Variants in NCAM2 observed in about 807,000 individuals in gnomAD.
NCAM2 encodes the protein neural cell adhesion molecule 2.
NCAM2 carries 30 observed loss-of-function variants against 98.1 expected under a neutral mutation model. The ratio of observed to expected loss-of-function variants is 0.31; its 90% CI spans 0.23 to 0.41. The LOEUF is 0.41. NCAM2 is among the 10% of genes least tolerant of loss of function. The pLI, the probability that NCAM2 is intolerant of heterozygous loss-of-function variation, is 1.00. For missense variants in NCAM2, 867 were observed against 1,005.8 expected, an observed-to-expected ratio of 0.86 and a Z score of 1.87; for synonymous variants, 368 against 342.4, an observed-to-expected ratio of 1.07 and a Z score of -0.83.
At chr21:21,117,193 C>A (rs982341034) in intron 1 of NCAM2, among the ~76,000 whole-genome samples, 3 of 152,112 alleles carry the variant, frequency 2.0e-5, no homozygotes, top group South Asian at 2.1e-4. Flanking sequence ...AAAGTTTATA[C>A]CTTTTGATCA....
chr21:21,292,190 G>A lies in NCAM2; in HGVS notation c.568G>A (p.Val190Met). The A allele has an allele frequency of 6.2e-7, 1 of 1,610,932 alleles. No homozygotes were observed. The highest frequency in any genetic ancestry group is 8.5e-7 in the Non-Finnish European group (1 of 1,178,182). ...DEGIYRCEGR[V>M]EARGEIDFRD... ...AGGTATATACAGATGTGAAGGAAGA[G>A]TGGAGGCCAGGGGAGAAATTGACTT... The change falls in exon 5 of 18, where the codon GTG becomes ATG. Residue 190 changes from valine to methionine, a missense_variant. Around this residue, in one of 5 missense-constraint regions of NCAM2, gnomAD observed 447 missense variants for 495.7 expected, o/e 0.90. Transcript: ENST00000400546.
intron 12 of NCAM2, among the ~76,000 whole-genome samples, chr21:21,460,281 T>A (rs1602408291): frequency 1.3e-5 from 2 of 151,994 alleles, no homozygotes; most frequent in African/African-American, 4.8e-5. Flanking sequence ...AATATAAAGC[T>A]ATGGGTCATA....
At chr21:21,466,995 A>G (rs1983767069) in intron 13 of NCAM2, among the ~76,000 whole-genome samples, 1 of 152,036 alleles carries the variant, frequency 6.6e-6, no homozygotes, top group South Asian at 2.1e-4. Flanking sequence ...TGTCCTTCTT[A>G]CTTATGGTCT....
chr21:21,059,612 C>T (rs966839593), intron 1 of NCAM2, among the ~76,000 whole-genome samples: 1 of 152,068 alleles, frequency 6.6e-6, no homozygotes, highest in Non-Finnish European at 1.5e-5. Context: ...ATTTCTCATA[C>T]AAGCCACATT....
chr21:21,102,767 C>T (rs2066271949), intron 1 of NCAM2, among the ~76,000 whole-genome samples: 2 of 151,866 alleles, frequency 1.3e-5, no homozygotes, highest in Non-Finnish European at 2.9e-5. Context: ...AATCAACCTA[C>T]TTTTGGTTTT....
chr21:21,240,392 A>G (rs2071018788), intron 1 of NCAM2, among the ~76,000 whole-genome samples: 1 of 151,966 alleles, frequency 6.6e-6, no homozygotes, highest in South Asian at 2.1e-4. Flanking sequence ...AAAAGCAAAA[A>G]AAGCTACAAT....
intron 15 of NCAM2, among the ~76,000 whole-genome samples, chr21:21,489,411 C>T (rs1392642315): frequency 6.6e-6 from 1 of 151,364 alleles, no homozygotes; most frequent in East Asian, 1.9e-4. Flanking sequence ...CTTTCTCTTT[C>T]TCTCCATTTC....
intron 1 of NCAM2, among the ~76,000 whole-genome samples, chr21:21,215,589 G>A (rs527477356): frequency 2.6e-5 from 4 of 152,110 alleles, no homozygotes; most frequent in East Asian, 1.9e-4. Flanking sequence ...TTAGCCGGGC[G>A]TGGTGGTGCA....
chr21:21,434,391 G>T (rs2077423389), intron 12 of NCAM2, among the ~76,000 whole-genome samples: 1 of 152,152 alleles, frequency 6.6e-6, no homozygotes, highest in South Asian at 2.1e-4. Flanking sequence ...ATACTCAAAA[G>T]TCTTGTGGCT....
At chr21:21,273,697 T>C (rs2147448751) in intron 1 of NCAM2, among the ~76,000 whole-genome samples, 1 of 152,248 alleles carries the variant, frequency 6.6e-6, no homozygotes, top group African/African-American at 2.4e-5. Context: ...TAATGACAAG[T>C]AGGATATACT....
At chr21:21,147,518 A>G (rs1339717975) in intron 1 of NCAM2, among the ~76,000 whole-genome samples, 2 of 151,506 alleles carry the variant, frequency 1.3e-5, no homozygotes, top group African/African-American at 4.8e-5. Context: ...TAATATATAT[A>G]TACACTAATA....
chr21:21,198,860 G>GT (rs2069106109), intron 1 of NCAM2, among the ~76,000 whole-genome samples: 1 of 152,094 alleles, frequency 6.6e-6, no homozygotes, highest in African/African-American at 2.4e-5. Context: ...ATTCAAGAGA[G>GT]TTTTTACCAG....
At chr21:21,527,790 G>A (rs574498624) in intron 16 of NCAM2, among the ~76,000 whole-genome samples, 15 of 152,248 alleles carry the variant, frequency 9.9e-5, no homozygotes, top group African/African-American at 2.6e-4. Context: ...CAATTTAGCA[G>A]CTTCTCAAGA....
chr21:21,414,704 C>T (rs2076954358), intron 10 of NCAM2, among the ~76,000 whole-genome samples: 1 of 152,026 alleles, frequency 6.6e-6, no homozygotes, highest in African/African-American at 2.4e-5. Context: ...CTCCTGACCT[C>T]GTGATCCGCC....
At chr21:21,004,146 C>T (rs1465707209) in intron 1 of NCAM2, among the ~76,000 whole-genome samples, 1 of 152,156 alleles carries the variant, frequency 6.6e-6, no homozygotes, top group Non-Finnish European at 1.5e-5. Context: ...CAAACTTGTT[C>T]ATAGATTTTA....
chr21:21,200,364 T>C (rs1458550064), intron 1 of NCAM2, among the ~76,000 whole-genome samples: 1 of 145,506 alleles, frequency 6.9e-6, no homozygotes, highest in Non-Finnish European at 1.5e-5. Context: ...CCGTCAACTC[T>C]CAGGAATGGG....
chr21:21,370,081 G>T (rs746022853), intron 8 of NCAM2, among the ~76,000 whole-genome samples: 1 of 151,518 alleles, frequency 6.6e-6, no homozygotes, highest in East Asian at 1.9e-4. Context: ...TTTTGCAATT[G>T]CCCCCTAAAA....
At chr21:21,076,127 A>G (rs2065676462) in intron 1 of NCAM2, among the ~76,000 whole-genome samples, 2 of 151,900 alleles carry the variant, frequency 1.3e-5, no homozygotes, top group Admixed American at 6.6e-5. Context: ...AAAAAAAAAA[A>G]AAAGAATATG....
intron 5 of NCAM2, among the ~76,000 whole-genome samples, chr21:21,302,818 C>T (rs1038041330): frequency 6.6e-6 from 1 of 152,096 alleles, no homozygotes; most frequent in Non-Finnish European, 1.5e-5. Context: ...CATCACTGCA[C>T]TATTCACAAT....
Sources: allele counts gnomAD v4.1 joint callset (sites outside exome capture counted in the v4.1 genomes callset), GRCh38; gene constraint gnomAD v4.1.1; regional missense constraint gnomAD v4.1.1; transcripts MANE v1.5; gene names NCBI Gene and HGNC (gene_info 2026-07-23, HGNC 2026-07-21).